The following THRAP3 variants were observed in gnomAD, a reference collection of about 807,000 sequenced individuals.
THRAP3 encodes thyroid hormone receptor associated protein 3, also known as thyroid hormone receptor-associated protein 3.
Under a neutral mutation model 101.0 loss-of-function variants are expected in THRAP3, and 16 were observed. That is an observed-to-expected ratio of 0.16 (90% CI 0.11 to 0.24). THRAP3 has a LOEUF of 0.24. THRAP3 is among the 10% of genes least tolerant of loss of function. THRAP3 has a pLI of 1.00. For missense variants in THRAP3, 989 were observed against 1,202.7 expected (o/e 0.82, Z 2.63); for synonymous variants, 407 against 422.6 (o/e 0.96, Z 0.45).
intron 2 of THRAP3, among the ~76,000 whole-genome samples, chr1:36,262,959 ATTTTTTTTT>A (rs55662646): frequency 0.01 from 1,060 of 104,372 alleles, 6 homozygotes; most frequent in South Asian, 0.024. Context: ...GGGCCGGCTA[ATTTTTTTTT>A]TTTTTTTTTT....
chr1:36,259,541 T>TA, intron 2 of THRAP3, 57 bp downstream of exon 2: 1 of 397,858 alleles, frequency 2.5e-6, no homozygotes, highest in Non-Finnish European at 4.4e-6. Flanking sequence ...AAACCAATCT[T>TA]ACGTTAAGAA....
chr1:36,217,583 T>A, the THRAP3 span, among the ~76,000 whole-genome samples: 1 of 152,116 alleles, frequency 6.6e-6, no homozygotes. Flanking sequence ...GTCAAGCAAG[T>A]CTATTGACAC....
intron 1 of THRAP3, among the ~76,000 whole-genome samples, chr1:36,251,762 C>T (rs986795859): frequency 1.3e-5 from 2 of 152,128 alleles, no homozygotes; most frequent in East Asian, 3.8e-4. Flanking sequence ...TCCTTTGTGC[C>T]AAGCACTTTT....
Position 36,279,081 on chromosome 1 carries a change from T to C in THRAP3, c.-31-3452T>C, listed in dbSNP as rs553734734. 2.0e-5 allele frequency among the ~76,000 whole-genome samples: 3 copies of C among 152,354 alleles called. No homozygotes were observed. In the South Asian group the frequency reaches 6.2e-4, roughly 32 times the overall value. ...CTTGTCAATTCTGGTAAGCTTAATA[T>C]GTGCAGAATTGTTAAGTTTGGCTCT... On this transcript the variant is annotated intron_variant, in intron 2 of 11. Transcript: ENST00000354618.
At chr1:36,226,703 T>G (rs1396181909) in intron 1 of THRAP3, among the ~76,000 whole-genome samples, 2 of 152,202 alleles carry the variant, frequency 1.3e-5, no homozygotes, top group African/African-American at 2.4e-5. Flanking sequence ...GGTGGATTTT[T>G]TCACACATAT....
intron 1 of THRAP3, among the ~76,000 whole-genome samples, chr1:36,249,225 G>T (rs1186914297): frequency 7.9e-6 from 1 of 125,952 alleles, no homozygotes; most frequent in Non-Finnish European, 1.6e-5. Flanking sequence ...ATGGAGTCTC[G>T]CTCTCGCCCA....
At chr1:36,231,020 A>T (rs189460311) in intron 1 of THRAP3, among the ~76,000 whole-genome samples, 1 of 152,222 alleles carries the variant, frequency 6.6e-6, no homozygotes, top group Non-Finnish European at 1.5e-5. Context: ...ACAGAGTGTT[A>T]GTTGGTATTT....
chr1:36,294,541 T>TA lies in THRAP3; in HGVS notation c.2115+613dup, dbSNP rs1477924742. ...ACTGTGAAATAACTAAATTGGGCTT[T>TA]AAAAAAATCTTAGTATTTATTGATC... On this transcript the variant is annotated intron_variant, in intron 8 of 11. Coordinates refer to ENST00000354618, the MANE Select transcript of THRAP3 (RefSeq NM_005119.4). 3.9e-5 allele frequency among the ~76,000 whole-genome samples: 6 copies of TA among 152,238 alleles called. 1 individual carries two copies. The highest frequency in any genetic ancestry group is 7.3e-5 in the Non-Finnish European group (5 of 68,040).
At chr1:36,288,122 A>G (rs1645818673) in intron 4 of THRAP3, 2 of 984,642 alleles carry the variant, frequency 2.0e-6, no homozygotes, top group African/African-American at 3.5e-5. Context: ...TTGAATCTGT[A>G]CTTGCCTTCA....
chr1:36,265,610 T>G (rs1394955192), intron 2 of THRAP3, among the ~76,000 whole-genome samples: 1 of 152,128 alleles, frequency 6.6e-6, no homozygotes, highest in East Asian at 1.9e-4. Flanking sequence ...TTTTACCAAA[T>G]AACTGTAAAG....
Position 36,248,709 on chromosome 1 carries a change from T to C in THRAP3, c.-134-10673T>C, listed in dbSNP as rs565896941. Among the ~76,000 whole-genome samples, 140 of 152,088 alleles carry C rather than the reference T, an allele frequency of 9.2e-4. 1 individual carries two copies. The highest frequency in any genetic ancestry group is 3.2e-3 in the African/African-American group (132 of 41,478). On this transcript the variant is annotated intron_variant, in intron 1 of 11. Transcript: ENST00000354618. ...TTGTGCTAGTTTCAGTAAATTCTTA[T>C]GTATGTGAGGGCTCACTTGATTTAT...
At chr1:36,235,719 CT>C (rs1433386001) in intron 1 of THRAP3, among the ~76,000 whole-genome samples, 1 of 152,048 alleles carries the variant, frequency 6.6e-6, no homozygotes, top group Non-Finnish European at 1.5e-5. Context: ...AGGAACACAC[CT>C]TAAGGATTTC....
chr1:36,288,958 A>G (rs1645829971), intron 4 of THRAP3, 102 bp from the exon 5 acceptor site: 3 of 1,388,514 alleles, frequency 2.2e-6, no homozygotes, highest in Non-Finnish European at 2.8e-6. Context: ...TCCATAAGAC[A>G]TGTTTTTTTC....
At chr1:36,209,919 CAGTT>C in the THRAP3 span, among the ~76,000 whole-genome samples, 1 of 152,138 alleles carries the variant, frequency 6.6e-6, no homozygotes, top group African/African-American at 2.4e-5. Flanking sequence ...AGAGTGGCAA[CAGTT>C]AGTGGGTGCC....
rs144010942 is a variant in THRAP3 at position 36,271,653 on chromosome 1, G to A, written c.-31-10880G>A. ...TTTCTGTCGCACAAGCTGGAGTGCA[G>A]TGCAGTCTTCGCTCACCACAACCTC... On this transcript the variant is annotated intron_variant, in intron 2 of 11. Transcript: ENST00000354618. 4.4e-3 allele frequency among the ~76,000 whole-genome samples: 573 copies of A among 131,274 alleles called. 6 individuals carry two copies. Among genetic ancestry groups the A allele is most frequent in the African/African-American group, 0.016 (551 of 34,726 alleles). The allele number at this position is 131,274 out of a possible 152,430, so 86.1% of individuals were successfully genotyped here. A position where few individuals can be genotyped will look rare whatever the true frequency, so the allele number is the denominator to read the frequency against.
At chr1:36,254,468 A>T (rs1167541428) in intron 1 of THRAP3, among the ~76,000 whole-genome samples, 1 of 152,220 alleles carries the variant, frequency 6.6e-6, no homozygotes, top group Non-Finnish European at 1.5e-5. Context: ...GATGTGATGG[A>T]TATGCACTGG....
the THRAP3 span, among the ~76,000 whole-genome samples, chr1:36,213,909 GAGAA>G: frequency 0.17 from 13,387 of 80,920 alleles, 1,698 homozygotes; most frequent in East Asian, 0.22. Flanking sequence ...AAGAAGGAAA[GAGAA>G]AGAAAGAAAG....
Position 36,291,422 on chromosome 1 carries a change from C to G in THRAP3, c.1794C>G (p.Val598=). 6.2e-7 allele frequency: 1 copy of G among 1,614,162 alleles called. No homozygotes were observed. The highest frequency in any genetic ancestry group is 8.5e-7 in the Non-Finnish European group (1 of 1,180,028). The change falls in exon 6 of 12, where the codon GTC becomes GTG. Residue 598 remains valine (V), a synonymous_variant. Transcript: ENST00000354618. The stretch of plus-strand genomic sequence containing the variant: ...AACGCAAGCTTTGCCGAGATCTAGT[C>G]CATAGCAACAAAAAGGAACAGGAGT... The part of the protein sequence containing the change: ...AQERKLCRDL[V]HSNKKEQEFR...
rs560021229 is a variant in THRAP3 at position 36,268,331 on chromosome 1, G to C, written c.-32+8847G>C. On this transcript the variant is annotated intron_variant, in intron 2 of 11. Transcript: ENST00000354618. ...TTTTTTATCATCCAAAGAAATACTA[G>C]ACTAGAAAAGGAAGAACAGAGATTG... 2.0e-5 allele frequency among the ~76,000 whole-genome samples: 3 copies of C among 151,862 alleles called. No homozygotes were observed. In the East Asian group the frequency reaches 5.8e-4, roughly 29 times the overall value.
Sources: gnomAD v4.1 joint callset for allele counts (sites outside exome capture counted in the v4.1 genomes callset) on GRCh38, gnomAD v4.1.1 for gene constraint, MANE v1.5 for transcripts, NCBI Gene and HGNC (gene_info 2026-07-23, HGNC 2026-07-21) for gene names.